Variants in ATP8A2 observed in about 807,000 individuals in gnomAD.
The protein encoded by ATP8A2 is ATPase phospholipid transporting 8A2.
A neutral mutation model predicts 165.6 loss-of-function variants in ATP8A2; 100 were observed. That is an observed-to-expected ratio of 0.60 (90% CI 0.51 to 0.71). The LOEUF is 0.71. Ranked by LOEUF, ATP8A2 falls within the 30% of genes least tolerant of loss-of-function variation. The pLI, the probability that ATP8A2 is intolerant of heterozygous loss-of-function variation, is 0.00. For synonymous variants in ATP8A2, 543 were observed against 548.8 expected (o/e 0.99, Z 0.15); for missense variants, 1,227 against 1,479.5 (o/e 0.83, Z 2.80).
chr13:25,654,809 T>C (rs972466990), intron 24 of ATP8A2, among the ~76,000 whole-genome samples: 3 of 152,190 alleles, frequency 2.0e-5, no homozygotes, highest in African/African-American at 7.2e-5. Flanking sequence ...AGGTGGTACA[T>C]AGAAATGCCC....
chr13:25,761,219 C>T (rs1481496668), intron 25 of ATP8A2, among the ~76,000 whole-genome samples: 1 of 152,194 alleles, frequency 6.6e-6, no homozygotes, highest in African/African-American at 2.4e-5. Flanking sequence ...TGGGCTCTTA[C>T]ATTACTTGTT....
intron 24 of ATP8A2, among the ~76,000 whole-genome samples, chr13:25,628,319 T>C (rs998581958): frequency 1.3e-5 from 2 of 152,212 alleles, no homozygotes; most frequent in Non-Finnish European, 2.9e-5. Flanking sequence ...CACACAGCTT[T>C]GCTTTACCCT....
chr13:25,673,613 T>G (rs1022460891), intron 24 of ATP8A2, among the ~76,000 whole-genome samples: 1 of 152,210 alleles, frequency 6.6e-6, no homozygotes, highest in African/African-American at 2.4e-5. Flanking sequence ...GACTCGTTTC[T>G]CTACTAAGCT....
chr13:25,513,075 C>T (rs1254049068), intron 2 of ATP8A2, among the ~76,000 whole-genome samples: 1 of 151,546 alleles, frequency 6.6e-6, no homozygotes, highest in Non-Finnish European at 1.5e-5. Flanking sequence ...CCACCTCCCT[C>T]CCGGACGGGG....
At chr13:25,982,523 T>A (rs1038910822) in intron 35 of ATP8A2, among the ~76,000 whole-genome samples, 2 of 152,190 alleles carry the variant, frequency 1.3e-5, no homozygotes, top group South Asian at 4.1e-4. Context: ...ACAGTGACAT[T>A]TCAAAGTGAA....
At chr13:26,007,025 C>A (rs1295109497) in intron 35 of ATP8A2, among the ~76,000 whole-genome samples, 3 of 150,146 alleles carry the variant, frequency 2.0e-5, no homozygotes, top group African/African-American at 7.3e-5. Flanking sequence ...ATCTAAATTG[C>A]TTTTTCTGTG....
At chr13:25,840,305 C>T (rs1951722756) in intron 30 of ATP8A2, among the ~76,000 whole-genome samples, 1 of 151,966 alleles carries the variant, frequency 6.6e-6, no homozygotes, top group African/African-American at 2.4e-5. Flanking sequence ...AGTAATAATC[C>T]CCCTGGGAAA....
At chr13:25,860,150 A>T in intron 30 of ATP8A2, 45 bp from the exon 31 acceptor site, 1 of 1,348,914 alleles carries the variant, frequency 7.4e-7, no homozygotes, top group South Asian at 1.2e-5. Context: ...ATAGGTGGCC[A>T]TGCTCAGCTT....
At chr13:25,506,217 A>G (rs959161162) in intron 2 of ATP8A2, among the ~76,000 whole-genome samples, 1 of 152,216 alleles carries the variant, frequency 6.6e-6, no homozygotes, top group Non-Finnish European at 1.5e-5. Context: ...CTAATTGAGC[A>G]GGGCTCATTT....
intron 25 of ATP8A2, among the ~76,000 whole-genome samples, chr13:25,727,565 G>T (rs952624513): frequency 6.6e-6 from 1 of 152,134 alleles, no homozygotes; most frequent in African/African-American, 2.4e-5. Flanking sequence ...GCCATTATCC[G>T]GAATAAACTT....
At chr13:25,597,925 A>G (rs1227341366) in intron 24 of ATP8A2, among the ~76,000 whole-genome samples, 1 of 150,944 alleles carries the variant, frequency 6.6e-6, no homozygotes, top group East Asian at 2.0e-4. Context: ...CTGTGATTAG[A>G]GCTTTGGTGC....
intron 1 of ATP8A2, among the ~76,000 whole-genome samples, chr13:25,403,873 C>A (rs1216424286): frequency 1.3e-5 from 2 of 152,012 alleles, no homozygotes; most frequent in African/African-American, 4.8e-5. Flanking sequence ...ATAATCAATA[C>A]CAAAATTATC....
intron 9 of ATP8A2, 22 bp from the exon 10 acceptor site, chr13:25,543,269 C>T (rs765759354): frequency 1.4e-6 from 2 of 1,421,376 alleles, no homozygotes; most frequent in Non-Finnish European, 2.0e-6. Flanking sequence ...CATTAAATAT[C>T]ATTGTTGTTT....
chr13:25,975,949 T>TA (rs1453461067), intron 35 of ATP8A2, among the ~76,000 whole-genome samples: 18 of 152,332 alleles, frequency 1.2e-4, no homozygotes, highest in Non-Finnish European at 2.1e-4. Context: ...AACCCGTCCA[T>TA]AAAAAGACTC....
chr13:25,764,320 G>A (rs1218973617), intron 25 of ATP8A2, among the ~76,000 whole-genome samples: 2 of 152,078 alleles, frequency 1.3e-5, no homozygotes, highest in Non-Finnish European at 2.9e-5. Context: ...ATACTTTCTG[G>A]GTTTCTGTTT....
At chr13:25,840,804 G>T (rs978983542) in intron 30 of ATP8A2, among the ~76,000 whole-genome samples, 4 of 152,024 alleles carry the variant, frequency 2.6e-5, no homozygotes, top group Admixed American at 6.5e-5. Flanking sequence ...TAGCAGGAAG[G>T]ATTAGTGATG....
intron 1 of ATP8A2, among the ~76,000 whole-genome samples, chr13:25,383,382 C>T (rs373761606): frequency 5.3e-5 from 8 of 152,178 alleles, no homozygotes; most frequent in East Asian, 3.8e-4. Context: ...GGATTACAGG[C>T]GTGTGCCTTT....
rs183216907 is a variant in ATP8A2, at chr13:25,977,097, C to G, written c.3377+8418C>G. ...TGCTAGGATTACAGGCATGAACCAC[C>G]GTGCCCAGCCGCAGCTCACATTTTG... is the stretch of plus-strand genomic sequence containing the variant. On this transcript the variant is annotated intron_variant, in intron 35 of 36. Coordinates refer to ENST00000381655, the MANE Select transcript of ATP8A2 (RefSeq NM_016529.6). 6.5e-3 allele frequency among the ~76,000 whole-genome samples: 972 copies of G among 149,084 alleles called. 5 individuals carry two copies. Among genetic ancestry groups the G allele is most frequent in the Middle Eastern group, 0.028 (8 of 288 alleles).
chr13:25,446,166 C>G (rs570624853), intron 1 of ATP8A2, among the ~76,000 whole-genome samples: 2 of 152,252 alleles, frequency 1.3e-5, no homozygotes, highest in African/African-American at 4.8e-5. Flanking sequence ...AGTCTCTGCT[C>G]CCCTGGCTGT....
Sources: allele counts gnomAD v4.1 joint callset (sites outside exome capture counted in the v4.1 genomes callset), GRCh38; gene constraint gnomAD v4.1.1; transcripts MANE v1.5; gene names NCBI Gene and HGNC (gene_info 2026-07-23, HGNC 2026-07-21).